GARS1: variants seen among roughly 807,000 people sequenced by gnomAD.
The protein encoded by GARS1 is glycyl-tRNA synthetase 1.
Under a neutral mutation model 86.4 loss-of-function variants are expected in GARS1, and 46 were observed. That is an observed-to-expected ratio of 0.53 (90% CI 0.42 to 0.68). The LOEUF (loss-of-function observed/expected upper bound fraction) is 0.68. GARS1 is among the 30% of genes least tolerant of loss of function. GARS1 has a pLI of 0.00. For missense variants in GARS1, 797 were observed against 915.6 expected (o/e 0.87, Z 1.67); for synonymous variants, 342 against 329.8 (o/e 1.04, Z -0.40).
Position 30,598,791 on chromosome 7 carries a change from G to A in GARS1, c.223-5G>A, listed in dbSNP as rs917554333. Reference sequence around the variant, plus strand: ...TCCTGAATATAAATTCTCTTTCTTGGCTAGGGAGATCTTGTGCGAAAACTC... The same window carrying A: ...TCCTGAATATAAATTCTCTTTCTTGACTAGGGAGATCTTGTGCGAAAACTC... On this transcript the variant is annotated splice_region_variant and splice_polypyrimidine_tract_variant and intron_variant, in intron 1 of 16. Transcript: ENST00000389266. The A allele has an allele frequency of 6.2e-7, 1 of 1,609,280 alleles. No individual in the cohort carries two copies. Among genetic ancestry groups the A allele is most frequent in the Admixed American group, 1.7e-5 (1 of 59,980 alleles).
At position 30,629,233 on chromosome 7, in the gene GARS1, G is replaced by C. The variant is rs79258058; in HGVS notation, c.1809+564G>C. ...CTGAGTGATTTCACTGTGAAAGCTT[G>C]ACAGATCATAAATGGGATAATAGTT... On this transcript the variant is annotated intron_variant, in intron 14 of 16. Coordinates refer to ENST00000389266, the MANE Select transcript of GARS1 (RefSeq NM_002047.4). Among the ~76,000 whole-genome samples, 1,073 of 152,280 alleles carry C rather than the reference G, an allele frequency of 7.0e-3. 9 individuals are homozygous for C. Among genetic ancestry groups the C allele is most frequent in the Middle Eastern group, 0.014 (4 of 294 alleles).
rs1345378436 is a variant in GARS1 at position 30,612,083 on chromosome 7, C to G, written c.882-13C>G. 6.2e-7 allele frequency: 1 copy of G among 1,610,356 alleles called. No homozygotes were observed. The highest frequency in any genetic ancestry group is 1.1e-5 in the South Asian group (1 of 91,018). ...TCTTTCTTTGTAACAGACTGACTTA[C>G]TTAAATTTATAGGTACTTGAGACCA... On this transcript the variant is annotated splice_polypyrimidine_tract_variant and intron_variant, in intron 7 of 16. Coordinates refer to ENST00000389266, the MANE Select transcript of GARS1 (RefSeq NM_002047.4).
At chr7:30,621,616 G>A (rs1259061144) in intron 11 of GARS1, 116 bp downstream of exon 11, 11 of 816,234 alleles carry the variant, frequency 1.3e-5, no homozygotes, top group African/African-American at 3.3e-5. Context: ...AGACACTGTA[G>A]TAACGCTTGT....
intron 8 of GARS1, among the ~76,000 whole-genome samples, chr7:30,612,489 C>T (rs1452550192): frequency 6.6e-6 from 1 of 151,920 alleles, no homozygotes; most frequent in Non-Finnish European, 1.5e-5. Context: ...TTAAGAGTCT[C>T]ACCTGCTCCA....
chr7:30,611,559 A>C (rs943652491), intron 7 of GARS1, among the ~76,000 whole-genome samples: 1 of 152,136 alleles, frequency 6.6e-6, no homozygotes, highest in Non-Finnish European at 1.5e-5. Context: ...ATCTCGGCTC[A>C]CTGCAACCTC....
At chr7:30,619,867 T>C (rs982252341) in intron 10 of GARS1, among the ~76,000 whole-genome samples, 2 of 148,622 alleles carry the variant, frequency 1.3e-5, no homozygotes, top group African/African-American at 5.0e-5. Context: ...AGCCTCTGCC[T>C]CCTGGGTTCA....
At chr7:30,599,085 A>C (rs1162708483) in intron 2 of GARS1, among the ~76,000 whole-genome samples, 188 bp downstream of exon 2, 4 of 152,162 alleles carry the variant, frequency 2.6e-5, no homozygotes, top group Admixed American at 2.6e-4. Flanking sequence ...ATGCAACTCA[A>C]AATGTCAACT....
rs759277467 is a variant in GARS1 at position 30,616,026 on chromosome 7, C to T, written c.1162C>T (p.Arg388Trp). ...AGCCCAGGTCAGCGGACAGTCCGCTCGGAAAATGCGCCTGGGAGATGCTGT... is the reference window on the plus strand; with the variant it reads ...AGCCCAGGTCAGCGGACAGTCCGCTTGGAAAATGCGCCTGGGAGATGCTGT... Reference protein sequence around the residue: ...AKAQVSGQSARKMRLGDAVEQ... With the variant: ...AKAQVSGQSAWKMRLGDAVEQ... The change falls in exon 9 of 17, where the codon CGG becomes TGG. Residue 388 changes from arginine (R) to tryptophan (W), a missense_variant. By Grantham distance (101) the Arg-to-Trp change is moderately radical. Around this residue, in one of 2 missense-constraint regions of GARS1, gnomAD observed 598 missense variants for 738.7 expected, o/e 0.81. Transcript: ENST00000389266. 29 of 1,614,130 alleles carry T rather than the reference C, an allele frequency of 1.8e-5. No homozygotes were observed. The highest frequency in any genetic ancestry group is 3.3e-5 in the South Asian group (3 of 91,074).
intron 6 of GARS1, among the ~76,000 whole-genome samples, chr7:30,605,639 C>T (rs564003976): frequency 6.6e-5 from 10 of 152,282 alleles, no homozygotes; most frequent in African/African-American, 2.2e-4. Context: ...GTCTGGGCCT[C>T]CCAAAGTGCT....
At chr7:30,619,730 A>G (rs1005430103) in intron 10 of GARS1, among the ~76,000 whole-genome samples, 6 of 148,030 alleles carry the variant, frequency 4.1e-5, no homozygotes, top group African/African-American at 1.2e-4. Context: ...CAGACACCCC[A>G]TGTGATAACA....
intron 12 of GARS1, among the ~76,000 whole-genome samples, chr7:30,623,768 C>A (rs575910048): frequency 4.6e-5 from 7 of 152,080 alleles, no homozygotes; most frequent in Non-Finnish European, 8.8e-5. Context: ...CATGAAGACC[C>A]GTGAGAATCA....
intron 9 of GARS1, 64 bp downstream of exon 9, chr7:30,616,122 T>C (rs1782886003): frequency 6.5e-7 from 1 of 1,529,880 alleles, no homozygotes; most frequent in Non-Finnish European, 9.1e-7. Context: ...AATTAGCAAA[T>C]TCTATGTGTT....
At chr7:30,617,338 C>T in intron 10 of GARS1, 60 bp downstream of exon 10, 1 of 1,564,922 alleles carries the variant, frequency 6.4e-7, no homozygotes, top group Non-Finnish European at 8.8e-7. Flanking sequence ...GCACAGGTAC[C>T]AAATGAATTT....
chr7:30,631,975 G>A (rs1022729671), intron 15 of GARS1: 11 of 460,720 alleles, frequency 2.4e-5, no homozygotes, highest in East Asian at 1.8e-4. Flanking sequence ...AAAAATAGAG[G>A]TGGTGGAGTC....
intron 12 of GARS1, 149 bp downstream of exon 12, chr7:30,622,611 TG>T (rs1372036515): frequency 1.8e-5 from 17 of 943,904 alleles, no homozygotes; most frequent in Non-Finnish European, 2.8e-5. Flanking sequence ...GCCGAGATTT[TG>T]GCATTATAGC....
At position 30,596,405 on chromosome 7, in the gene GARS1, G is replaced by T. The variant is rs550205391; in HGVS notation, c.222+1262G>T. Among the ~76,000 whole-genome samples the T allele has an allele frequency of 4.6e-5, 7 of 151,952 alleles. 1 individual carries two copies. The South Asian group carries it at 1.5e-3, about 32-fold the overall frequency. On this transcript the variant is annotated intron_variant, in intron 1 of 16. Coordinates refer to ENST00000389266, the MANE Select transcript of GARS1 (RefSeq NM_002047.4). ...CCTTCCACTCCACAAATAAAATTAGGTGTGGTTCCTTTGTCTTTTCTTAAC... is the reference window on the plus strand; with the variant it reads ...CCTTCCACTCCACAAATAAAATTAGTTGTGGTTCCTTTGTCTTTTCTTAAC...
Position 30,612,179 on chromosome 7 carries a change from C to T in GARS1, c.965C>T (p.Ala322Val), listed in dbSNP as rs763306555. 2 of 1,614,040 alleles carry T rather than the reference C, an allele frequency of 1.2e-6. No homozygotes were observed. The highest frequency in any genetic ancestry group is 1.7e-6 in the Non-Finnish European group (2 of 1,179,908). ...TTCAACCAAGGAAAGTTGCCTTTTGCTGCTGCCCAGATTGGAAATTCTTTT... is the reference window on the plus strand; with the variant it reads ...TTCAACCAAGGAAAGTTGCCTTTTGTTGCTGCCCAGATTGGAAATTCTTTT... ...LEFNQGKLPF[A>V]AAQIGNSFRN... is the part of the protein sequence containing the mutation. Residue 322 changes from alanine to valine, a missense_variant, in exon 8 of 17, where the codon GCT (alanine) becomes GTT (valine). Transcript: ENST00000389266.
At chr7:30,617,396 T>C in intron 10 of GARS1, 118 bp downstream of exon 10, 7 of 1,250,140 alleles carry the variant, frequency 5.6e-6, no homozygotes, top group Middle Eastern at 2.0e-4. Context: ...AAAAGAGATC[T>C]TTTCCTGAGC....
At chr7:30,595,989 T>C in intron 1 of GARS1, 1 of 441,116 alleles carries the variant, frequency 2.3e-6, no homozygotes, top group East Asian at 7.0e-5. Flanking sequence ...GACCTCCTTT[T>C]CCTAGGGCAC....
Sources: gnomAD v4.1 joint callset for allele counts (sites outside exome capture counted in the v4.1 genomes callset) on GRCh38, gnomAD v4.1.1 for gene constraint, gnomAD v4.1.1 regional missense constraint, MANE v1.5 for transcripts, NCBI Gene and HGNC (gene_info 2026-07-23, HGNC 2026-07-21) for gene names.